The following NPFFR2 variants were observed in gnomAD, a reference collection of about 807,000 sequenced individuals.
NPFFR2 encodes the protein G-protein coupled receptor 74.
In NPFFR2, 15 loss-of-function variants were observed where a neutral mutation model predicts 13.1. The ratio of observed to expected loss-of-function variants is 1.15; its 90% CI spans 0.77 to 1.76. The LOEUF is 1.76. Among genes scored for constraint, NPFFR2 ranks in the 40% most tolerant of loss-of-function variants. The pLI is 0.00. For missense variants in NPFFR2, 572 were observed against 503.5 expected (o/e 1.14, Z -1.30); for synonymous variants, 190 against 175.7 (o/e 1.08, Z -0.65).
chr4:72,122,494 A>G (rs1721912481), intron 1 of NPFFR2, among the ~76,000 whole-genome samples: 1 of 152,180 alleles, frequency 6.6e-6, no homozygotes, highest in African/African-American at 2.4e-5. Context: ...TTGACCACAT[A>G]ATTGGAAGTA....
chr4:72,067,615 T>C (rs1304246869), intron 1 of NPFFR2, among the ~76,000 whole-genome samples: 4 of 48,278 alleles, frequency 8.3e-5, no homozygotes, highest in Non-Finnish European at 1.8e-4. Context: ...TAACTATAAA[T>C]TCCTTCTTCA....
At chr4:72,125,149 T>G (rs1263587733) in intron 1 of NPFFR2, among the ~76,000 whole-genome samples, 1 of 152,204 alleles carries the variant, frequency 6.6e-6, no homozygotes, top group Non-Finnish European at 1.5e-5. Flanking sequence ...AGAGGACATT[T>G]ATGAGGCTAA....
chr4:72,147,243 CT>C lies in NPFFR2; in HGVS notation c.695del (p.Leu232ProfsTer46), dbSNP rs1722812824. The part of the protein sequence containing the change: ...VLFANIYLAP[L>X]SLIVIMYGRI... ...GTTTGCCAACATCTACCTGGCTCCC[CT>C]CTCCCTCATTGTCATCATGTATGGA... On this transcript the variant is annotated frameshift_variant, in exon 4 of 4. Coordinates refer to ENST00000308744, the MANE Select transcript of NPFFR2 (RefSeq NM_004885.3). LOFTEE classifies it low-confidence loss of function (END_TRUNC). 1 of 1,614,146 alleles carries C rather than the reference CT, an allele frequency of 6.2e-7. No homozygotes were observed. Among genetic ancestry groups the C allele is most frequent in the African/African-American group, 1.3e-5 (1 of 75,032 alleles).
rs558631599 is a variant in NPFFR2 at position 72,055,054 on chromosome 4, A to G, written c.-8+22854A>G. Among the ~76,000 whole-genome samples the G allele has an allele frequency of 1.2e-4, 18 of 152,112 alleles. No individual in the cohort carries two copies. The East Asian group carries it at 3.3e-3, about 28-fold the overall frequency. On this transcript the variant is annotated intron_variant, in intron 1 of 3. Transcript: ENST00000308744. ...AGTATAAAACAGATACTATTAAACT[A>G]CTAATATATGCAAAACATCAATGAA...
chr4:72,135,164 G>A (rs755561513), intron 2 of NPFFR2, among the ~76,000 whole-genome samples: 47 of 152,018 alleles, frequency 3.1e-4, no homozygotes, highest in Non-Finnish European at 5.7e-4. Flanking sequence ...CCCATGATTT[G>A]TATTTTGTTT....
intron 3 of NPFFR2, among the ~76,000 whole-genome samples, chr4:72,142,172 C>T (rs907157766): frequency 6.6e-6 from 1 of 152,110 alleles, no homozygotes. Context: ...TGAGATGGGT[C>T]TCCTGAATAC....
At chr4:72,045,855 G>A (rs1201882457) in intron 1 of NPFFR2, among the ~76,000 whole-genome samples, 1 of 152,114 alleles carries the variant, frequency 6.6e-6, no homozygotes, top group Non-Finnish European at 1.5e-5. Flanking sequence ...CCCTTTGAAT[G>A]TTGGAAACTG....
At chr4:72,085,639 G>C (rs1720745681) in intron 1 of NPFFR2, among the ~76,000 whole-genome samples, 1 of 152,078 alleles carries the variant, frequency 6.6e-6, no homozygotes, top group African/African-American at 2.4e-5. Flanking sequence ...ACTGATTAAG[G>C]AGGACAACTA....
intron 1 of NPFFR2, among the ~76,000 whole-genome samples, chr4:72,078,865 T>C (rs1361929389): frequency 6.6e-6 from 1 of 152,118 alleles, no homozygotes; most frequent in African/African-American, 2.4e-5. Context: ...TCCATTTATA[T>C]AACATTTTAA....
At chr4:72,041,743 G>A (rs952995913) in intron 1 of NPFFR2, among the ~76,000 whole-genome samples, 1 of 152,172 alleles carries the variant, frequency 6.6e-6, no homozygotes, top group Non-Finnish European at 1.5e-5. Context: ...TTTCTCTGAT[G>A]TTTAGTGGTG....
intron 1 of NPFFR2, among the ~76,000 whole-genome samples, chr4:72,076,359 A>C (rs1034449487): frequency 1.3e-5 from 2 of 152,080 alleles, no homozygotes; most frequent in African/African-American, 4.8e-5. Flanking sequence ...TCTATATTAT[A>C]TATAAATTGT....
At chr4:72,089,632 A>G (rs1290594972) in intron 1 of NPFFR2, among the ~76,000 whole-genome samples, 1 of 151,978 alleles carries the variant, frequency 6.6e-6, no homozygotes, top group Non-Finnish European at 1.5e-5. Flanking sequence ...TTCTTTTGAG[A>G]GTTGTCTATT....
chr4:72,042,221 C>A (rs901240686), intron 1 of NPFFR2, among the ~76,000 whole-genome samples: 1 of 152,068 alleles, frequency 6.6e-6, no homozygotes, highest in African/African-American at 2.4e-5. Context: ...TTCTTGCTGC[C>A]ACCATGTGAA....
intron 1 of NPFFR2, among the ~76,000 whole-genome samples, chr4:72,082,744 A>C (rs1230315529): frequency 1.3e-5 from 2 of 152,124 alleles, no homozygotes; most frequent in Non-Finnish European, 2.9e-5. Context: ...TGTACAATAG[A>C]TATCCAGGCT....
intron 1 of NPFFR2, among the ~76,000 whole-genome samples, chr4:72,073,558 CTATT>C (rs1416432595): frequency 2.6e-5 from 4 of 152,014 alleles, no homozygotes; most frequent in Non-Finnish European, 4.4e-5. Flanking sequence ...GTTCTCTACT[CTATT>C]TAAGAGACTT....
At chr4:72,139,405 G>C (rs1713919664) in intron 3 of NPFFR2, among the ~76,000 whole-genome samples, 1 of 152,160 alleles carries the variant, frequency 6.6e-6, no homozygotes, top group Non-Finnish European at 1.5e-5. Context: ...TAACATTTAA[G>C]TCTTTAATCC....
intron 2 of NPFFR2, among the ~76,000 whole-genome samples, chr4:72,132,455 A>G (rs1294685939): frequency 1.3e-5 from 2 of 152,206 alleles, no homozygotes; most frequent in Non-Finnish European, 2.9e-5. Context: ...GCTGCAGTGA[A>G]CATACACATA....
chr4:72,082,264 T>A (rs1214896383), intron 1 of NPFFR2, among the ~76,000 whole-genome samples: 2 of 152,164 alleles, frequency 1.3e-5, no homozygotes, highest in Non-Finnish European at 2.9e-5. Flanking sequence ...TCAAGACAAC[T>A]TCCTTCAAGG....
At position 72,076,973 on chromosome 4, in the gene NPFFR2, T is replaced by C. The variant is rs141014388; in HGVS notation, c.-8+44773T>C. Among the ~76,000 whole-genome samples, 351 of 152,312 alleles carry C rather than the reference T, an allele frequency of 2.3e-3. 5 individuals carry two copies. The highest frequency in any genetic ancestry group is 8.0e-3 in the African/African-American group (331 of 41,580). ...TTCAAGAAAGAGTAAAATATTGTTC[T>C]TTTTTCTAAAAAGTAGTAAATCATC... On this transcript the variant is annotated intron_variant, in intron 1 of 3. Transcript: ENST00000308744.
Sources: gnomAD v4.1 joint callset for allele counts (sites outside exome capture counted in the v4.1 genomes callset) on GRCh38, gnomAD v4.1.1 for gene constraint, MANE v1.5 for transcripts, NCBI Gene and HGNC (gene_info 2026-07-23, HGNC 2026-07-21) for gene names.